FZD3: variants seen among roughly 807,000 people sequenced by gnomAD.
The protein encoded by FZD3 is frizzled-3.
Under a neutral mutation model 60.7 loss-of-function variants are expected in FZD3, and 30 were observed. That is an observed-to-expected ratio of 0.49 (90% confidence interval 0.37 to 0.67). FZD3 has a LOEUF of 0.67. Among genes scored for constraint, FZD3 ranks in the 30% least tolerant of loss-of-function variants. The pLI is 0.00. For missense variants in FZD3, 605 were observed against 838.7 expected (o/e 0.72, Z 3.44); for synonymous variants, 246 against 275.2 (o/e 0.89, Z 1.05).
chr8:28,562,717 G>A, intron 7 of FZD3, 81 bp from the exon 8 acceptor site: 1 of 859,968 alleles, frequency 1.2e-6, no homozygotes, highest in Non-Finnish European at 1.9e-6. Flanking sequence ...CCCTTACTGA[G>A]GCATTTTTAT....
intron 5 of FZD3, among the ~76,000 whole-genome samples, chr8:28,550,481 C>CTTTTTTTTTTTTTTTTTTTTTTT (rs386412443): frequency 2.9e-5 from 1 of 34,336 alleles, no homozygotes; most frequent in Non-Finnish European, 4.7e-5. Flanking sequence ...CTTCTTTTAT[C>CTTTTTTTTTTTTTTTTTTTTTTT]TTTTTTTTTT....
At chr8:28,506,396 G>C (rs1364588107) in intron 3 of FZD3, among the ~76,000 whole-genome samples, 1 of 152,204 alleles carries the variant, frequency 6.6e-6, no homozygotes, top group African/African-American at 2.4e-5. Flanking sequence ...TTAAGATCAA[G>C]TGAGATAAGT....
rs1056747264 is a variant in FZD3, at chr8:28,565,983, T to A, written c.*2972T>A. On this transcript the variant is annotated 3_prime_UTR_variant, in exon 8 of 8. Coordinates refer to ENST00000240093, the MANE Select transcript of FZD3 (RefSeq NM_017412.4). ...GTACTTTGATTTCAGCAACTTTTTT[T>A]ATTCAATAACTAGACAAAAGATCTA... is the stretch of plus-strand genomic sequence containing the variant. 1 of 152,186 alleles carries A rather than the reference T, an allele frequency of 6.6e-6. No homozygotes were observed. The highest frequency in any genetic ancestry group is 1.5e-5 in the Non-Finnish European group (1 of 67,996). 9.4% of individuals were successfully genotyped at this position (152,186 alleles called of 1,614,324 possible). A position where few individuals can be genotyped will look rare whatever the true frequency, so the allele number is the denominator to read the frequency against.
intron 1 of FZD3, 126 bp from the exon 2 acceptor site, chr8:28,499,807 A>T (rs1439013760): frequency 6.6e-6 from 1 of 151,872 alleles, no homozygotes; most frequent in Non-Finnish European, 1.5e-5. Flanking sequence ...TTCTTTTGTA[A>T]ATTTATGTCC....
intron 7 of FZD3, among the ~76,000 whole-genome samples, chr8:28,559,165 T>C (rs897484097): frequency 1.4e-4 from 22 of 152,212 alleles, no homozygotes; most frequent in African/African-American, 5.3e-4. Flanking sequence ...CACTCTCATC[T>C]GAATAGAGCT....
rs112197907 is a variant in FZD3 at position 28,542,021 on chromosome 8, A to G, written c.1405-9582A>G. Among the ~76,000 whole-genome samples, 1,394 of 152,010 alleles carry G rather than the reference A, an allele frequency of 9.2e-3. 25 individuals are homozygous for G. The highest frequency in any genetic ancestry group is 0.032 in the African/African-American group (1,307 of 41,460). ...AGTAGCCAGAGCAAGTTTTAAAAAC[A>G]TAAGCGAGATCATGTTGCTGGTTTG... On this transcript the variant is annotated intron_variant, in intron 5 of 7. Coordinates refer to ENST00000240093, the MANE Select transcript of FZD3 (RefSeq NM_017412.4).
At chr8:28,497,176 A>C (rs1349160049) in intron 1 of FZD3, among the ~76,000 whole-genome samples, 1 of 152,218 alleles carries the variant, frequency 6.6e-6, no homozygotes, top group Admixed American at 6.5e-5. Context: ...TTTAAGCCTT[A>C]ATCACTTAAC....
intron 5 of FZD3, among the ~76,000 whole-genome samples, chr8:28,547,320 C>A (rs1225933106): frequency 6.6e-6 from 1 of 152,184 alleles, no homozygotes; most frequent in Non-Finnish European, 1.5e-5. Flanking sequence ...GTGGATAAAT[C>A]ATATTGCTTC....
At chr8:28,531,896 T>G (rs1208824876) in intron 5 of FZD3, among the ~76,000 whole-genome samples, 1 of 152,192 alleles carries the variant, frequency 6.6e-6, no homozygotes, top group South Asian at 2.1e-4. Context: ...CTTAGTCTTT[T>G]GTGTTTTAAG....
chr8:28,572,870 A>G lies in FZD3; in HGVS notation c.*9859A>G, dbSNP rs534710045. 2.0e-5 allele frequency: 3 copies of G among 152,264 alleles called. No individual in the cohort carries two copies. Among genetic ancestry groups the G allele is most frequent in the South Asian group, 4.1e-4 (2 of 4,824 alleles). The allele number at this position is 152,264 out of a possible 1,614,324, so 9.4% of individuals were successfully genotyped here. A position where few individuals can be genotyped will look rare whatever the true frequency, so the allele number is the denominator to read the frequency against. ...GAAACTCCTACACAGGAAATCCCCA[A>G]TTTTGTGATTTAATAGGTTGTAAAA... On this transcript the variant is annotated 3_prime_UTR_variant, in exon 8 of 8. Coordinates refer to ENST00000240093, the MANE Select transcript of FZD3 (RefSeq NM_017412.4).
intron 4 of FZD3, among the ~76,000 whole-genome samples, chr8:28,522,359 A>C (rs575191868): frequency 7.2e-5 from 11 of 152,090 alleles, no homozygotes; most frequent in African/African-American, 2.4e-4. Flanking sequence ...CTACGATTTT[A>C]AATGAGGACT....
intron 5 of FZD3, among the ~76,000 whole-genome samples, chr8:28,549,314 T>G (rs887022633): frequency 2.0e-5 from 3 of 152,184 alleles, no homozygotes; most frequent in Non-Finnish European, 4.4e-5. Flanking sequence ...CTTCAACATA[T>G]GAATTTGGAT....
At chr8:28,559,477 G>A (rs1805576376) in intron 7 of FZD3, among the ~76,000 whole-genome samples, 2 of 152,106 alleles carry the variant, frequency 1.3e-5, no homozygotes, top group Admixed American at 1.3e-4. Flanking sequence ...ATCTAGCACA[G>A]TACTAGGCAT....
intron 4 of FZD3, among the ~76,000 whole-genome samples, chr8:28,525,354 T>C (rs1358458950): frequency 1.3e-5 from 2 of 152,124 alleles, no homozygotes; most frequent in African/African-American, 2.4e-5. Context: ...GGATACAATA[T>C]AGGAGAGCAG....
intron 5 of FZD3, among the ~76,000 whole-genome samples, chr8:28,548,508 G>A (rs567796551): frequency 5.3e-4 from 81 of 152,122 alleles, no homozygotes; most frequent in African/African-American, 1.8e-3. Context: ...TATGAAATAC[G>A]GTATGGCTTC....
intron 3 of FZD3, among the ~76,000 whole-genome samples, chr8:28,515,844 T>A (rs1178682311): frequency 6.6e-6 from 1 of 152,208 alleles, no homozygotes. Context: ...TTTCTTCCGT[T>A]CTGTTGGTTG....
intron 4 of FZD3, among the ~76,000 whole-genome samples, chr8:28,526,356 G>T (rs1371348201): frequency 6.6e-6 from 1 of 152,084 alleles, no homozygotes; most frequent in Non-Finnish European, 1.5e-5. Flanking sequence ...TTGGCTTACT[G>T]CTAATACTGA....
rs1017734143 is a variant in FZD3, at chr8:28,566,333, C to T, written c.*3322C>T. 3 of 152,092 alleles carry T rather than the reference C, an allele frequency of 2.0e-5. No individual in the cohort carries two copies. Among genetic ancestry groups the T allele is most frequent in the African/African-American group, 7.2e-5 (3 of 41,426 alleles). 9.4% of individuals were successfully genotyped at this position (152,092 alleles called of 1,614,324 possible). A position where few individuals can be genotyped will look rare whatever the true frequency, so the allele number is the denominator to read the frequency against. On this transcript the variant is annotated 3_prime_UTR_variant, in exon 8 of 8. Coordinates refer to ENST00000240093, the MANE Select transcript of FZD3 (RefSeq NM_017412.4). Reference sequence around the variant, plus strand: ...ATATATGTACAGACATGTACCAATCCTTTTAATTAATTTTAGAAGATGAAC... The same window carrying T: ...ATATATGTACAGACATGTACCAATCTTTTTAATTAATTTTAGAAGATGAAC...
chr8:28,516,954 A>C (rs116620485), intron 3 of FZD3, among the ~76,000 whole-genome samples: 2,719 of 152,022 alleles, frequency 0.018, 95 homozygotes, highest in African/African-American at 0.061. Flanking sequence ...CACCTTTTCC[A>C]CTTTACTATA....
Sources: gnomAD v4.1 joint callset for allele counts (sites outside exome capture counted in the v4.1 genomes callset) on GRCh38, gnomAD v4.1.1 for gene constraint, MANE v1.5 for transcripts, NCBI Gene and HGNC (gene_info 2026-07-23, HGNC 2026-07-21) for gene names.